The following WDR64 variants were observed in gnomAD, a reference collection of about 807,000 sequenced individuals.
WDR64 encodes WD repeat domain 64, also known as WD repeat-containing protein 64.
Under a neutral mutation model 139.3 loss-of-function variants are expected in WDR64, and 112 were observed. The ratio of observed to expected loss-of-function variants is 0.80; its 90% CI spans 0.69 to 0.94. WDR64 has a LOEUF of 0.94. Among genes scored for constraint, WDR64 ranks in the 40% least tolerant of loss-of-function variants. The pLI is 0.00. For missense variants in WDR64, 1,206 were observed against 1,293.1 expected, an observed-to-expected ratio of 0.93 and a Z score of 1.03; for synonymous variants, 444 against 437.7, an observed-to-expected ratio of 1.01 and a Z score of -0.18.
At chr1:241,683,757 T>G in intron 7 of WDR64, 56 bp downstream of exon 7, 2 of 1,332,722 alleles carry the variant, frequency 1.5e-6, no homozygotes, top group Non-Finnish European at 2.0e-6. Flanking sequence ...CTTTTGCAAG[T>G]AAGCTTTATG....
chr1:241,788,147 A>G, intron 24 of WDR64, 113 bp downstream of exon 24: 1 of 910,332 alleles, frequency 1.1e-6, no homozygotes, highest in Non-Finnish European at 1.5e-6. Flanking sequence ...ACTTTTCAAT[A>G]ATTTTGTAAT....
At chr1:241,769,337 C>T (rs1658327638) in intron 16 of WDR64, 67 bp from the exon 17 acceptor site, 1 of 1,259,372 alleles carries the variant, frequency 7.9e-7, no homozygotes, top group Non-Finnish European at 1.1e-6. Context: ...AGAGGATATA[C>T]AATCTTAGTA....
chr1:241,709,254 C>T (rs1668075028), intron 8 of WDR64, among the ~76,000 whole-genome samples: 1 of 152,124 alleles, frequency 6.6e-6, no homozygotes, highest in African/African-American at 2.4e-5. Flanking sequence ...TGTGACTGTG[C>T]TCTGAGCACT....
At chr1:241,676,961 C>T (rs1187271159) in intron 4 of WDR64, among the ~76,000 whole-genome samples, 1 of 151,978 alleles carries the variant, frequency 6.6e-6, no homozygotes, top group Non-Finnish European at 1.5e-5. Flanking sequence ...TATGACACAT[C>T]ATGTGAAAAA....
intron 8 of WDR64, among the ~76,000 whole-genome samples, chr1:241,690,556 T>C (rs1012745415): frequency 6.6e-6 from 1 of 152,172 alleles, no homozygotes; most frequent in African/African-American, 2.4e-5. Context: ...CTTGTGATTT[T>C]TCCTCAGAAA....
chr1:241,654,107 C>T (rs1193591463), intron 1 of WDR64, among the ~76,000 whole-genome samples: 1 of 152,174 alleles, frequency 6.6e-6, no homozygotes, highest in Non-Finnish European at 1.5e-5. Flanking sequence ...TTCTCTCAAA[C>T]CCCCCTTTTC....
chr1:241,793,321 A>C (rs1165380430), intron 25 of WDR64, among the ~76,000 whole-genome samples: 2 of 152,208 alleles, frequency 1.3e-5, no homozygotes, highest in East Asian at 3.8e-4. Flanking sequence ...AGCTTCACAT[A>C]CAGAGCTCAA....
chr1:241,737,151 AT>A (rs1421088336), intron 10 of WDR64, among the ~76,000 whole-genome samples: 3 of 152,208 alleles, frequency 2.0e-5, no homozygotes, highest in Admixed American at 1.3e-4. Context: ...AAAAGGCTCA[AT>A]GTTCTATCTA....
intron 25 of WDR64, among the ~76,000 whole-genome samples, chr1:241,791,492 C>G (rs1659214076): frequency 6.6e-6 from 1 of 152,102 alleles, no homozygotes; most frequent in African/African-American, 2.4e-5. Flanking sequence ...CATAGTGAGA[C>G]TATGTCTCTA....
intron 8 of WDR64, among the ~76,000 whole-genome samples, chr1:241,710,071 A>G (rs983832939): frequency 6.6e-6 from 1 of 152,048 alleles, no homozygotes; most frequent in Admixed American, 6.5e-5. Flanking sequence ...AAAAGAAAAA[A>G]AAAAAGAAAA....
At position 241,692,052 on chromosome 1, in the gene WDR64, T is replaced by C. The variant is rs9428887; in HGVS notation, c.974+4457T>C. ...ATAAAAAAAAAAAAAAGAAACACAA[T>C]GCCATCTACATTCGCATTTGAGAAT... On this transcript the variant is annotated intron_variant, in intron 8 of 27. Transcript: ENST00000437684. 8.1e-3 allele frequency among the ~76,000 whole-genome samples: 1,213 copies of C among 149,562 alleles called. 17 individuals are homozygous for C. Among genetic ancestry groups the C allele is most frequent in the African/African-American group, 0.028 (1,165 of 40,878 alleles).
At chr1:241,741,782 C>T (rs1045816890) in intron 12 of WDR64, 118 bp downstream of exon 12, 4 of 1,068,656 alleles carry the variant, frequency 3.7e-6, no homozygotes, top group South Asian at 2.2e-5. Flanking sequence ...TGAGACCATA[C>T]ATTAGAATGA....
At chr1:241,662,548 G>A (rs1269100019) in intron 2 of WDR64, among the ~76,000 whole-genome samples, 1 of 152,144 alleles carries the variant, frequency 6.6e-6, no homozygotes. Flanking sequence ...TCCCTCCATA[G>A]TCTGATAAGA....
At position 241,772,882 on chromosome 1, in the gene WDR64, T is replaced by G; in HGVS notation, c.2381T>G (p.Ile794Ser). The change falls in exon 20 of 28, where the codon ATC (isoleucine) becomes AGC (serine). Residue 794 changes from isoleucine to serine, a missense_variant. By Grantham distance (142) the Ile-to-Ser change is moderately radical. Coordinates refer to ENST00000437684, the MANE Select transcript of WDR64 (RefSeq NM_001367482.1). ...IANLPEAQPPILVTAHEDGHL... is the reference protein window; with the variant it reads ...IANLPEAQPPSLVTAHEDGHL... ...AATTTACCAGAAGCCCAGCCACCTA[T>G]CCTTGTCACTGCTCATGAGGATGGA... 2 of 1,551,986 alleles carry G rather than the reference T, an allele frequency of 1.3e-6. No individual in the cohort carries two copies. The highest frequency in any genetic ancestry group is 1.7e-6 in the Non-Finnish European group (2 of 1,147,044).
intron 3 of WDR64, among the ~76,000 whole-genome samples, chr1:241,672,633 T>C (rs1388422095): frequency 6.6e-6 from 1 of 152,118 alleles, no homozygotes; most frequent in African/African-American, 2.4e-5. Flanking sequence ...AAGTAAAATA[T>C]ACAGTATGTC....
At chr1:241,773,231 T>A (rs935382205) in intron 20 of WDR64, among the ~76,000 whole-genome samples, 1 of 152,178 alleles carries the variant, frequency 6.6e-6, no homozygotes, top group African/African-American at 2.4e-5. Context: ...ATACCCATAC[T>A]GGGATAGATA....
At chr1:241,791,829 A>G (rs1659224409) in intron 25 of WDR64, among the ~76,000 whole-genome samples, 1 of 152,244 alleles carries the variant, frequency 6.6e-6, no homozygotes, top group Non-Finnish European at 1.5e-5. Context: ...CAAGTTAGGA[A>G]GTAGGAGAAA....
intron 9 of WDR64, among the ~76,000 whole-genome samples, chr1:241,716,287 G>GGA (rs1553370402): frequency 6.9e-6 from 1 of 145,256 alleles, no homozygotes; most frequent in African/African-American, 2.5e-5. Flanking sequence ...GCTTTTGCAG[G>GGA]AAAAAAAAAA....
chr1:241,763,893 C>A (rs1320102154), intron 15 of WDR64, among the ~76,000 whole-genome samples: 1 of 152,126 alleles, frequency 6.6e-6, no homozygotes, highest in Non-Finnish European at 1.5e-5. Context: ...CAGCAGAGAT[C>A]CTGGAGGGCT....
Sources: allele counts gnomAD v4.1 joint callset (sites outside exome capture counted in the v4.1 genomes callset), GRCh38; gene constraint gnomAD v4.1.1; transcripts MANE v1.5; gene names NCBI Gene and HGNC (gene_info 2026-07-23, HGNC 2026-07-21).